The following CCSER1 variants were observed in gnomAD, a reference collection of about 807,000 sequenced individuals.
CCSER1 encodes the protein serine-rich coiled-coil domain-containing protein 1.
CCSER1 carries 41 observed loss-of-function variants against 82.0 expected under a neutral mutation model. The observed-to-expected ratio is 0.50, with a 90% CI of 0.39 to 0.65. CCSER1 has a LOEUF of 0.65. CCSER1 is among the 30% of genes least tolerant of loss of function. CCSER1 has a pLI of 0.00. For missense variants in CCSER1, 1,119 were observed against 1,064.2 expected (o/e 1.05, Z -0.72); for synonymous variants, 414 against 383.9 (o/e 1.08, Z -0.92).
intron 1 of CCSER1, among the ~76,000 whole-genome samples, chr4:90,163,591 A>AT (rs1226015250): frequency 4.6e-5 from 7 of 152,094 alleles, no homozygotes; most frequent in African/African-American, 7.2e-5. Flanking sequence ...ACATTTTTAG[A>AT]TTTTTTTACA....
chr4:90,530,419 T>C (rs1774358446), intron 5 of CCSER1, among the ~76,000 whole-genome samples: 1 of 151,860 alleles, frequency 6.6e-6, no homozygotes, highest in Admixed American at 6.6e-5. Flanking sequence ...AGTCAGAAAA[T>C]AGTAAAAGTA....
chr4:90,588,701 G>A (rs1203106760), intron 5 of CCSER1, among the ~76,000 whole-genome samples: 1 of 152,100 alleles, frequency 6.6e-6, no homozygotes, highest in East Asian at 1.9e-4. Flanking sequence ...GGAATCATGG[G>A]GTCGGTTTCC....
At chr4:90,687,312 C>T (rs984499429) in intron 6 of CCSER1, among the ~76,000 whole-genome samples, 1 of 151,976 alleles carries the variant, frequency 6.6e-6, no homozygotes, top group African/African-American at 2.4e-5. Context: ...TACTCTGCAT[C>T]TCATTTGCTC....
chr4:91,283,196 T>A (rs1274825507), intron 10 of CCSER1, among the ~76,000 whole-genome samples: 5 of 152,244 alleles, frequency 3.3e-5, no homozygotes, highest in Non-Finnish European at 7.4e-5. Context: ...AGCTCTCTTT[T>A]AACTGGAGGG....
chr4:90,258,981 T>G (rs548312837), intron 1 of CCSER1, among the ~76,000 whole-genome samples: 1 of 152,206 alleles, frequency 6.6e-6, no homozygotes, highest in South Asian at 2.1e-4. Flanking sequence ...TTTGGTTCCA[T>G]ATGAATTTTA....
In CCSER1 at chr4:90,149,216, T is replaced by A. The variant is rs79218257; in HGVS notation, c.-42+21385T>A. 3.9e-4 allele frequency among the ~76,000 whole-genome samples: 60 copies of A among 152,130 alleles called. No individual in the cohort carries two copies. The East Asian group carries it at 0.012, about 29-fold the overall frequency. On this transcript the variant is annotated intron_variant, in intron 1 of 10. Transcript: ENST00000509176. The stretch of plus-strand genomic sequence containing the variant: ...GAAGATGAGGATATGGAAGGATAGA[T>A]ATGCTGAGTAAATAGCCCAAGTTCA...
At chr4:90,505,488 T>C (rs1052655103) in intron 5 of CCSER1, among the ~76,000 whole-genome samples, 1 of 152,160 alleles carries the variant, frequency 6.6e-6, no homozygotes, top group Non-Finnish European at 1.5e-5. Context: ...TTGGGGGATG[T>C]CTCCATTGTC....
At chr4:91,449,834 C>T (rs1333750597) in intron 10 of CCSER1, among the ~76,000 whole-genome samples, 3 of 151,966 alleles carry the variant, frequency 2.0e-5, no homozygotes, top group African/African-American at 7.2e-5. Context: ...TAGAATTGGT[C>T]ACTGTTAACT....
At chr4:90,193,123 A>G (rs1735956204) in intron 1 of CCSER1, among the ~76,000 whole-genome samples, 1 of 152,058 alleles carries the variant, frequency 6.6e-6, no homozygotes, top group Non-Finnish European at 1.5e-5. Context: ...AAAGAGTAAA[A>G]TCTGATATTC....
chr4:91,532,416 T>C (rs7683958), intron 10 of CCSER1, among the ~76,000 whole-genome samples: 103,399 of 152,018 alleles, frequency 0.68, 35,789 homozygotes, highest in African/African-American at 0.81. Flanking sequence ...GAGACCAAAC[T>C]TAATTGATTA....
At chr4:90,547,557 T>C (rs868033072) in intron 5 of CCSER1, among the ~76,000 whole-genome samples, 2 of 152,090 alleles carry the variant, frequency 1.3e-5, no homozygotes, top group Non-Finnish European at 2.9e-5. Flanking sequence ...GTATCATTCC[T>C]GAGAAAGGAG....
At chr4:90,470,611 T>A (rs537177189) in intron 5 of CCSER1, among the ~76,000 whole-genome samples, 3 of 152,188 alleles carry the variant, frequency 2.0e-5, no homozygotes, top group Admixed American at 2.0e-4. Context: ...TATCTACATG[T>A]TTTTTGCTTG....
At chr4:90,317,649 T>C (rs1294562484) in intron 3 of CCSER1, among the ~76,000 whole-genome samples, 1 of 151,948 alleles carries the variant, frequency 6.6e-6, no homozygotes, top group Non-Finnish European at 1.5e-5. Context: ...ATAAAATAAA[T>C]AAATAATAAC....
intron 9 of CCSER1, among the ~76,000 whole-genome samples, chr4:91,032,497 T>A (rs905544463): frequency 3.3e-5 from 5 of 152,186 alleles, no homozygotes; most frequent in African/African-American, 9.6e-5. Context: ...AGATTTATCC[T>A]GACTTTGAAA....
At chr4:91,163,007 C>A (rs562844380) in intron 10 of CCSER1, among the ~76,000 whole-genome samples, 1 of 152,128 alleles carries the variant, frequency 6.6e-6, no homozygotes, top group African/African-American at 2.4e-5. Context: ...CTCTCTACTT[C>A]TTTTTATTGT....
At chr4:90,607,142 T>C (rs1784830615) in intron 5 of CCSER1, among the ~76,000 whole-genome samples, 1 of 152,178 alleles carries the variant, frequency 6.6e-6, no homozygotes, top group South Asian at 2.1e-4. Context: ...GTTCTGAAAA[T>C]GTATTGCATT....
At chr4:90,138,400 G>A (rs1160158744) in intron 1 of CCSER1, among the ~76,000 whole-genome samples, 1 of 152,162 alleles carries the variant, frequency 6.6e-6, no homozygotes, top group African/African-American at 2.4e-5. Context: ...ACTACTTCCA[G>A]TGCTAACCAC....
At chr4:90,835,098 G>C (rs1043064480) in intron 8 of CCSER1, among the ~76,000 whole-genome samples, 1 of 152,132 alleles carries the variant, frequency 6.6e-6, no homozygotes, top group Non-Finnish European at 1.5e-5. Flanking sequence ...TTGGGAGGCC[G>C]AGGCGGATGG....
chr4:91,478,139 A>G (rs553278903), intron 10 of CCSER1, among the ~76,000 whole-genome samples: 1 of 152,016 alleles, frequency 6.6e-6, no homozygotes, highest in Admixed American at 6.6e-5. Flanking sequence ...AAGTCTTTCA[A>G]AAAAATCTTA....
Sources: allele counts gnomAD v4.1 joint callset (sites outside exome capture counted in the v4.1 genomes callset), GRCh38; gene constraint gnomAD v4.1.1; transcripts MANE v1.5; gene names NCBI Gene and HGNC (gene_info 2026-07-23, HGNC 2026-07-21).